The following GPR146 variants were observed in gnomAD, a reference collection of about 807,000 sequenced individuals.
The protein encoded by GPR146 is G-protein coupled receptor 146.
For synonymous variants in GPR146, 203 were observed against 104.3 expected, an observed-to-expected ratio of 1.95 and a Z score of -5.77; for missense variants, 381 against 213.9, an observed-to-expected ratio of 1.78 and a Z score of -4.87.
Position 1,057,731 on chromosome 7 carries a change from A to G in GPR146, c.216A>G (p.Ala72=). The G allele has an allele frequency of 1.3e-6, 1 of 775,614 alleles. No homozygotes were observed. The highest frequency in any genetic ancestry group is 2.4e-5 in the East Asian group (1 of 41,214). 48.0% of individuals were successfully genotyped at this position (775,614 alleles called of 1,614,324 possible). A position where few individuals can be genotyped will look rare whatever the true frequency, so the allele number is the denominator to read the frequency against. ...TGTACTTTGTCAACATGGCAGTGGC[A>G]GGCCTGGTGCTCAGCGCCCTGGCCC... The part of the protein sequence containing the change: ...PDVYFVNMAV[A]GLVLSALAPV... The change falls in exon 2 of 2, where the codon GCA becomes GCG. Residue 72 remains alanine (A), a synonymous_variant. Coordinates refer to ENST00000444847, the MANE Select transcript of GPR146 (RefSeq NM_001303473.2).
chr7:1,048,345 A>G (rs1156581119), intron 1 of GPR146, among the ~76,000 whole-genome samples: 1 of 152,108 alleles, frequency 6.6e-6, no homozygotes, highest in Non-Finnish European at 1.5e-5. Flanking sequence ...CTTTTGTGAA[A>G]CTAATTCAGC....
At chr7:1,055,183 G>C (rs4720335) in intron 1 of GPR146, 2 of 465,940 alleles carry the variant, frequency 4.3e-6, no homozygotes, top group South Asian at 3.1e-5. Context: ...GTCCAAGCAC[G>C]GCCCCTCGTT....
chr7:1,055,527 G>A, intron 1 of GPR146: 1 of 448,348 alleles, frequency 2.2e-6, no homozygotes, highest in Non-Finnish European at 4.5e-6. Flanking sequence ...GGACGTGGGG[G>A]GCTCTGTGCA....
At chr7:1,049,149 G>A (rs1441828923) in intron 1 of GPR146, among the ~76,000 whole-genome samples, 1 of 152,196 alleles carries the variant, frequency 6.6e-6, no homozygotes, top group East Asian at 1.9e-4. Flanking sequence ...ACGTTGGCCA[G>A]CAGTGTGGGG....
At chr7:1,053,243 C>T (rs1293168707) in intron 1 of GPR146, among the ~76,000 whole-genome samples, 1 of 152,266 alleles carries the variant, frequency 6.6e-6, no homozygotes, top group Non-Finnish European at 1.5e-5. Flanking sequence ...CACAGAACCC[C>T]TCTGCGTCCA....
At position 1,055,326 on chromosome 7, in the gene GPR146, G is replaced by T. The variant is rs1344879961; in HGVS notation, c.-24-2166G>T. 1.1e-5 allele frequency: 5 copies of T among 471,158 alleles called. No homozygotes were observed. The East Asian group carries it at 3.5e-4, about 33-fold the overall frequency. 29.2% of individuals were successfully genotyped at this position (471,158 alleles called of 1,614,324 possible). A position where few individuals can be genotyped will look rare whatever the true frequency, so the allele number is the denominator to read the frequency against. ...GGGCCCTCACACGCACGCGCAGGCG[G>T]CCAGGCGCGCTGCTGATAAGAGCCT... On this transcript the variant is annotated intron_variant, in intron 1 of 1. Coordinates refer to ENST00000444847, the MANE Select transcript of GPR146 (RefSeq NM_001303473.2).
chr7:1,057,309 C>T (rs1480090121), intron 1 of GPR146, among the ~76,000 whole-genome samples, 183 bp from the exon 2 acceptor site: 3 of 152,196 alleles, frequency 2.0e-5, no homozygotes, highest in East Asian at 1.9e-4. Context: ...CCCCCGGTCA[C>T]GACCCGAGAC....
intron 1 of GPR146, among the ~76,000 whole-genome samples, chr7:1,047,056 TTTTG>T (rs1353314244): frequency 6.6e-6 from 1 of 152,220 alleles, no homozygotes; most frequent in Non-Finnish European, 1.5e-5. Context: ...AGGAAGTCTT[TTTTG>T]TTTGTTTTTG....
intron 1 of GPR146, among the ~76,000 whole-genome samples, chr7:1,054,353 T>C (rs910294801): frequency 1.3e-5 from 2 of 152,242 alleles, no homozygotes; most frequent in African/African-American, 2.4e-5. Context: ...CCTGCAGCTT[T>C]GGAAGTTTAT....
chr7:1,053,567 T>C (rs201249331), intron 1 of GPR146, among the ~76,000 whole-genome samples: 21 of 152,110 alleles, frequency 1.4e-4, no homozygotes, highest in Admixed American at 1.2e-3. Flanking sequence ...GTGGCTCACG[T>C]CTGTAATCCC....
rs1271593704 is a variant in GPR146 at position 1,044,573 on chromosome 7, G to A, written c.-110G>A. 1.3e-5 allele frequency: 2 copies of A among 150,700 alleles called. No homozygotes were observed. Among genetic ancestry groups the A allele is most frequent in the African/African-American group, 2.4e-5 (1 of 41,238 alleles). The allele number at this position is 150,700 out of a possible 1,614,324, so 9.3% of individuals were successfully genotyped here. A position where few individuals can be genotyped will look rare whatever the true frequency, so the allele number is the denominator to read the frequency against. Reference sequence around the variant, plus strand: ...TCACGTGTGTACACAGGGCCCGGGCGGCGTGCGCGCCGTGAGCCCCGCCGC... The same window carrying A: ...TCACGTGTGTACACAGGGCCCGGGCAGCGTGCGCGCCGTGAGCCCCGCCGC... On this transcript the variant is annotated 5_prime_UTR_variant, in exon 1 of 2. Coordinates refer to ENST00000444847, the MANE Select transcript of GPR146 (RefSeq NM_001303473.2).
At chr7:1,049,270 C>G (rs1029390088) in intron 1 of GPR146, among the ~76,000 whole-genome samples, 6 of 152,242 alleles carry the variant, frequency 3.9e-5, no homozygotes, top group African/African-American at 1.4e-4. Flanking sequence ...TTCCTCTGCC[C>G]TTTATATGTG....
chr7:1,046,247 G>GA (rs71546473), intron 1 of GPR146, among the ~76,000 whole-genome samples: 1 of 152,178 alleles, frequency 6.6e-6, no homozygotes, highest in African/African-American at 2.4e-5. Flanking sequence ...CTGGAATCCT[G>GA]AAAAAATAAC....
At position 1,058,047 on chromosome 7, in the gene GPR146, T is replaced by C. The variant is rs140745634; in HGVS notation, c.532T>C (p.Cys178Arg). 24 of 768,386 alleles carry C rather than the reference T, an allele frequency of 3.1e-5. No homozygotes were observed. The highest frequency in any genetic ancestry group is 8.0e-5 in the South Asian group (6 of 74,630). The allele number at this position is 768,386 out of a possible 1,614,324, so 47.6% of individuals were successfully genotyped here. A position where few individuals can be genotyped will look rare whatever the true frequency, so the allele number is the denominator to read the frequency against. ...CSHVSTRALECAKMQNAEAAD... is the reference protein window; with the variant it reads ...CSHVSTRALERAKMQNAEAAD... ...CCATGTGTCCACCCGCGCGCTAGAG[T>C]GCGCCAAGATGCAGAACGCAGAAGC... Residue 178 changes from cysteine to arginine, a missense_variant, in exon 2 of 2, where the codon TGC (cysteine) becomes CGC (arginine). Cys to Arg is a radical substitution (Grantham distance 180). Transcript: ENST00000444847.
intron 1 of GPR146, among the ~76,000 whole-genome samples, chr7:1,050,958 G>A (rs1433162068): frequency 6.6e-6 from 1 of 152,250 alleles, no homozygotes; most frequent in Non-Finnish European, 1.5e-5. Context: ...TGGCGGCCAT[G>A]CCGTCAGAGA....
chr7:1,052,499 G>A lies in GPR146; in HGVS notation c.-24-4993G>A, dbSNP rs1783225357. Among the ~76,000 whole-genome samples, 1 of 152,172 alleles carries A rather than the reference G, an allele frequency of 6.6e-6. No homozygotes were observed. Among genetic ancestry groups the A allele is most frequent in the African/African-American group, 2.4e-5 (1 of 41,440 alleles). On this transcript the variant is annotated intron_variant, in intron 1 of 1. Transcript: ENST00000444847. The surrounding 1 kb of genome is among the most constrained non-coding windows in gnomAD (Gnocchi z 4.2). ...CAGTGAAACCAGCAGTGTGACTTTG[G>A]AGGTGCTGGAGGAGCAGGGCCTGGC...
intron 1 of GPR146, among the ~76,000 whole-genome samples, chr7:1,055,919 G>A (rs1332229759): frequency 2.6e-5 from 4 of 152,192 alleles, no homozygotes; most frequent in South Asian, 2.1e-4. Flanking sequence ...GGGGGGTGAC[G>A]TCCCCAAACT....
chr7:1,058,448 G>A lies in GPR146; in HGVS notation c.933G>A (p.Met311Ile). The A allele has an allele frequency of 1.3e-6, 1 of 780,638 alleles. No individual in the cohort carries two copies. The highest frequency in any genetic ancestry group is 2.4e-6 in the Non-Finnish European group (1 of 418,136). 48.4% of individuals were successfully genotyped at this position (780,638 alleles called of 1,614,324 possible). A position where few individuals can be genotyped will look rare whatever the true frequency, so the allele number is the denominator to read the frequency against. The change falls in exon 2 of 2, where the codon ATG (methionine) becomes ATA (isoleucine). Residue 311 changes from methionine (M) to isoleucine (I), a missense_variant. Physicochemically the swap from Met to Ile is conservative, Grantham distance 10. Coordinates refer to ENST00000444847, the MANE Select transcript of GPR146 (RefSeq NM_001303473.2). ...TCCCCAGCAAGCTCCAACGGCTGAT[G>A]AAAAAGCTGCCCTGCGGGGACCGGC... ...QSFPSKLQRLMKKLPCGDRHC... is the reference protein window; with the variant it reads ...QSFPSKLQRLIKKLPCGDRHC...
chr7:1,055,245 G>A (rs1386729070), intron 1 of GPR146: 1 of 471,014 alleles, frequency 2.1e-6, no homozygotes, highest in Non-Finnish European at 4.4e-6. Flanking sequence ...CGCCTGCCAA[G>A]GGAGGCAGAG....
Sources: allele counts gnomAD v4.1 joint callset (sites outside exome capture counted in the v4.1 genomes callset), GRCh38; gene constraint gnomAD v4.1.1; non-coding constraint Gnocchi (gnomAD v3.1); transcripts MANE v1.5; gene names NCBI Gene and HGNC (gene_info 2026-07-23, HGNC 2026-07-21).